ADAMTS17: variants seen among roughly 807,000 people sequenced by gnomAD.
The protein encoded by ADAMTS17 is A disintegrin and metalloproteinase with thrombospondin motifs 17.
Under a neutral mutation model 141.5 loss-of-function variants are expected in ADAMTS17, and 113 were observed. The observed-to-expected ratio is 0.80, with a 90% CI of 0.69 to 0.93. The LOEUF (loss-of-function observed/expected upper bound fraction) is 0.93. ADAMTS17 is among the 40% of genes least tolerant of loss of function. The probability of loss-of-function intolerance (pLI) is 0.00; values close to 1 mark genes in which losing one functional copy is unlikely to be tolerated. For synonymous variants in ADAMTS17, 768 were observed against 630.6 expected (o/e 1.22, Z -3.27); for missense variants, 1,659 against 1,517.9 (o/e 1.09, Z -1.54).
chr15:100,186,288 C>T (rs1405941270), intron 8 of ADAMTS17, among the ~76,000 whole-genome samples: 1 of 152,176 alleles, frequency 6.6e-6, no homozygotes, highest in East Asian at 1.9e-4. Context: ...GCATGGACTT[C>T]AACATTGACA....
At position 99,975,818 on chromosome 15, in the gene ADAMTS17, G is replaced by A. The variant is rs549094006; in HGVS notation, c.3127+227C>T. Reference sequence around the variant, plus strand: ...TGTTGGGCAAAGGGGTGAGGGAGACGCTCAGGTGCCTGTGTTGGAGACAGC... The same window carrying A: ...TGTTGGGCAAAGGGGTGAGGGAGACACTCAGGTGCCTGTGTTGGAGACAGC... On this transcript the variant is annotated intron_variant, in intron 21 of 21. Transcript: ENST00000268070. 2.0e-5 allele frequency among the ~76,000 whole-genome samples: 3 copies of A among 152,314 alleles called. No individual in the cohort carries two copies. The South Asian group carries it at 6.2e-4, about 32-fold the overall frequency.
chr15:100,202,181 C>G (rs1281435522), intron 7 of ADAMTS17, among the ~76,000 whole-genome samples: 1 of 152,224 alleles, frequency 6.6e-6, no homozygotes, highest in African/African-American at 2.4e-5. Context: ...TGGCCTCAGC[C>G]ACACTCAGCA....
At chr15:100,144,771 C>G (rs185756769) in intron 10 of ADAMTS17, among the ~76,000 whole-genome samples, 1 of 152,024 alleles carries the variant, frequency 6.6e-6, no homozygotes, top group Admixed American at 6.6e-5. Flanking sequence ...CAATAACACA[C>G]GCGTGTCGAT....
intron 7 of ADAMTS17, among the ~76,000 whole-genome samples, chr15:100,242,709 T>C (rs955862177): frequency 1.4e-4 from 22 of 152,334 alleles, no homozygotes; most frequent in African/African-American, 5.1e-4. Flanking sequence ...CTGGGCATTG[T>C]CCTTCTCCCA....
chr15:100,236,282 T>TAAA (rs1262366624), intron 7 of ADAMTS17, among the ~76,000 whole-genome samples: 3 of 40,634 alleles, frequency 7.4e-5, no homozygotes, highest in African/African-American at 4.2e-4. Flanking sequence ...ACCCACGACA[T>TAAA]TAAAAAAAAA....
chr15:100,234,178 G>A (rs1172436797), intron 7 of ADAMTS17, among the ~76,000 whole-genome samples: 1 of 152,132 alleles, frequency 6.6e-6, no homozygotes, highest in African/African-American at 2.4e-5. Context: ...AAGGTGGAGT[G>A]GACAGGCATT....
intron 7 of ADAMTS17, among the ~76,000 whole-genome samples, chr15:100,245,373 G>A (rs928031998): frequency 3.9e-5 from 6 of 152,202 alleles, no homozygotes; most frequent in African/African-American, 1.4e-4. Context: ...AAAGGTCACG[G>A]CTGGAAACCC....
intron 3 of ADAMTS17, among the ~76,000 whole-genome samples, chr15:100,284,252 G>C (rs568584745): frequency 6.6e-6 from 1 of 152,346 alleles, no homozygotes; most frequent in Admixed American, 6.5e-5. Flanking sequence ...GACACACTCT[G>C]AGTTAACACA....
At chr15:100,217,578 C>T (rs77227771) in intron 7 of ADAMTS17, among the ~76,000 whole-genome samples, 3 of 152,184 alleles carry the variant, frequency 2.0e-5, no homozygotes, top group Admixed American at 2.0e-4. Flanking sequence ...CAGCCTGGGG[C>T]GTCAGAGCAA....
Position 100,309,550 on chromosome 15 carries a change from C to G in ADAMTS17, c.616+21339G>C, listed in dbSNP as rs1021301170. 7.9e-5 allele frequency among the ~76,000 whole-genome samples: 12 copies of G among 152,174 alleles called. 1 individual carries two copies. The highest frequency in any genetic ancestry group is 1.6e-4 in the Non-Finnish European group (11 of 68,032). On this transcript the variant is annotated intron_variant, in intron 3 of 21. Coordinates refer to ENST00000268070, the MANE Select transcript of ADAMTS17 (RefSeq NM_139057.4). ...CTCACCACCCTGGCTGCCGCAGAGT[C>G]CTCTCTAATCCCAAACCCATTCCCA...
intron 18 of ADAMTS17, among the ~76,000 whole-genome samples, chr15:100,031,113 A>G (rs936798622): frequency 7.2e-5 from 11 of 152,166 alleles, no homozygotes; most frequent in African/African-American, 2.7e-4. Flanking sequence ...AGATGGCAAG[A>G]TCATGTAACT....
intron 10 of ADAMTS17, among the ~76,000 whole-genome samples, chr15:100,147,022 G>C (rs969295895): frequency 1.8e-4 from 27 of 151,956 alleles, no homozygotes; most frequent in African/African-American, 6.5e-4. Flanking sequence ...CTGTGATCTC[G>C]CCCTGCCTCC....
At chr15:100,047,241 A>G (rs1455425462) in intron 18 of ADAMTS17, among the ~76,000 whole-genome samples, 9 of 135,862 alleles carry the variant, frequency 6.6e-5, no homozygotes, top group Non-Finnish European at 1.2e-4. Context: ...GACGTTATCA[A>G]TGACAATGGT....
At chr15:100,328,869 G>C (rs1345905310) in intron 3 of ADAMTS17, among the ~76,000 whole-genome samples, 1 of 152,172 alleles carries the variant, frequency 6.6e-6, no homozygotes, top group East Asian at 1.9e-4. Flanking sequence ...TGAGCAGAGA[G>C]AACAGTGAGA....
chr15:100,050,459 C>T (rs951044832), intron 17 of ADAMTS17, among the ~76,000 whole-genome samples: 1 of 152,128 alleles, frequency 6.6e-6, no homozygotes, highest in Non-Finnish European at 1.5e-5. Context: ...GTGGAGGATG[C>T]AGGGCTGATG....
chr15:100,057,266 G>A (rs1006264376), intron 15 of ADAMTS17, among the ~76,000 whole-genome samples: 4 of 152,166 alleles, frequency 2.6e-5, no homozygotes, highest in Admixed American at 6.5e-5. Context: ...AGAAGGAAGG[G>A]GCTCACTGTG....
At chr15:100,312,073 G>A (rs1484800260) in intron 3 of ADAMTS17, among the ~76,000 whole-genome samples, 1 of 152,194 alleles carries the variant, frequency 6.6e-6, no homozygotes, top group Non-Finnish European at 1.5e-5. Flanking sequence ...GTGAGCTCAT[G>A]GCCTCCCAAC....
intron 18 of ADAMTS17, among the ~76,000 whole-genome samples, chr15:100,036,507 GC>G (rs2030729981): frequency 6.6e-6 from 1 of 152,236 alleles, no homozygotes. Context: ...TGGTGTGTCA[GC>G]CTCTGCACTC....
At chr15:100,066,723 C>T (rs947427444) in intron 15 of ADAMTS17, among the ~76,000 whole-genome samples, 11 of 151,934 alleles carry the variant, frequency 7.2e-5, no homozygotes, top group African/African-American at 2.2e-4. Context: ...TTCTACGTGT[C>T]GTTCCTTTCT....
Sources: gnomAD v4.1 joint callset for allele counts (sites outside exome capture counted in the v4.1 genomes callset) on GRCh38, gnomAD v4.1.1 for gene constraint, MANE v1.5 for transcripts, NCBI Gene and HGNC (gene_info 2026-07-23, HGNC 2026-07-21) for gene names.